SCFD2: variants seen among roughly 807,000 people sequenced by gnomAD.
The protein encoded by SCFD2 is sec1 family domain containing 2, also known as sec1 family domain-containing protein 2.
Under a neutral mutation model 58.9 loss-of-function variants are expected in SCFD2, and 54 were observed. That is an observed-to-expected ratio of 0.92 (90% confidence interval 0.74 to 1.15). The LOEUF (loss-of-function observed/expected upper bound fraction) is 1.15, where lower values mean the gene tolerates loss of function less well. Among genes scored for constraint, SCFD2 ranks in the 50% most tolerant of loss-of-function variants. The pLI is 0.00. For synonymous variants in SCFD2, 321 were observed against 335.9 expected (o/e 0.96, Z 0.49); for missense variants, 805 against 836.6 (o/e 0.96, Z 0.47).
chr4:52,943,996 T>A (rs578035306), intron 5 of SCFD2, among the ~76,000 whole-genome samples: 1 of 152,258 alleles, frequency 6.6e-6, no homozygotes, highest in East Asian at 1.9e-4. Flanking sequence ...TGTCAAAATG[T>A]TAAAAGTACA....
intron 3 of SCFD2, 94 bp from the exon 4 acceptor site, chr4:53,274,095 G>A: frequency 2.7e-6 from 3 of 1,113,108 alleles, no homozygotes; most frequent in East Asian, 2.6e-5. Context: ...CTTGTATTTG[G>A]GCAGAACTTC....
At chr4:53,103,565 A>G (rs932899038) in intron 5 of SCFD2, among the ~76,000 whole-genome samples, 2 of 148,014 alleles carry the variant, frequency 1.4e-5, no homozygotes, top group African/African-American at 4.9e-5. Flanking sequence ...ATAAATATAT[A>G]TATAATTTTC....
chr4:53,043,324 T>C (rs1341887256), intron 5 of SCFD2, among the ~76,000 whole-genome samples: 17 of 152,110 alleles, frequency 1.1e-4, no homozygotes. Flanking sequence ...GCAGCAAAAT[T>C]AAAGCATCTG....
intron 4 of SCFD2, among the ~76,000 whole-genome samples, chr4:53,184,201 G>A (rs1391262262): frequency 6.6e-6 from 1 of 152,008 alleles, no homozygotes; most frequent in Non-Finnish European, 1.5e-5. Flanking sequence ...CACCCGTTTA[G>A]CTTGGCACAT....
At chr4:53,344,356 C>T (rs1430073367) in intron 2 of SCFD2, among the ~76,000 whole-genome samples, 3 of 152,022 alleles carry the variant, frequency 2.0e-5, no homozygotes, top group Non-Finnish European at 2.9e-5. Flanking sequence ...ACAATTGCTA[C>T]AAAGAGAATA....
chr4:52,880,565 TGAG>T (rs956874640), intron 8 of SCFD2, among the ~76,000 whole-genome samples: 1 of 145,602 alleles, frequency 6.9e-6, no homozygotes, highest in Non-Finnish European at 1.5e-5. Context: ...TGCTATGAGC[TGAG>T]ATCATGCCAC....
intron 6 of SCFD2, among the ~76,000 whole-genome samples, chr4:52,916,423 A>G (rs1395530603): frequency 6.6e-6 from 1 of 152,080 alleles, no homozygotes; most frequent in Non-Finnish European, 1.5e-5. Flanking sequence ...TACAAAAACA[A>G]TGTAGCTGGG....
At chr4:53,215,266 T>C (rs1404064028) in intron 4 of SCFD2, among the ~76,000 whole-genome samples, 2 of 152,276 alleles carry the variant, frequency 1.3e-5, no homozygotes, top group African/African-American at 4.8e-5. Context: ...TTCACGATAT[T>C]GATTCTTCCT....
At chr4:53,245,609 C>T (rs62326407) in intron 4 of SCFD2, among the ~76,000 whole-genome samples, 1,554 of 152,152 alleles carry the variant, frequency 0.01, 27 homozygotes, top group South Asian at 0.073. Flanking sequence ...GAATATACCT[C>T]ACACAAACTA....
intron 5 of SCFD2, among the ~76,000 whole-genome samples, chr4:52,997,563 A>G (rs1158486597): frequency 1.3e-5 from 2 of 152,226 alleles, no homozygotes; most frequent in Admixed American, 6.5e-5. Context: ...GTGTTCAGAG[A>G]AAGGCTTTCT....
chr4:53,077,212 C>T (rs771181551), intron 5 of SCFD2, among the ~76,000 whole-genome samples: 1 of 152,072 alleles, frequency 6.6e-6, no homozygotes, highest in African/African-American at 2.4e-5. Context: ...ATTTGATCAG[C>T]GCATTCAAAA....
chr4:52,910,822 G>A (rs902417193), intron 6 of SCFD2, among the ~76,000 whole-genome samples: 3 of 152,090 alleles, frequency 2.0e-5, no homozygotes, highest in Non-Finnish European at 4.4e-5. Flanking sequence ...TATGAGATCC[G>A]ATGGTTTTAC....
chr4:53,031,448 A>G (rs1322384875), intron 5 of SCFD2, among the ~76,000 whole-genome samples: 2 of 152,212 alleles, frequency 1.3e-5, no homozygotes, highest in Non-Finnish European at 2.9e-5. Flanking sequence ...TGACAGAAAT[A>G]GGCTTCAGAA....
chr4:53,193,658 A>G (rs1727978172), intron 4 of SCFD2, among the ~76,000 whole-genome samples: 1 of 152,206 alleles, frequency 6.6e-6, no homozygotes, highest in South Asian at 2.1e-4. Context: ...AGTTACTTAT[A>G]TGCCAAATTA....
At chr4:52,992,849 G>A (rs902620070) in intron 5 of SCFD2, among the ~76,000 whole-genome samples, 2 of 152,260 alleles carry the variant, frequency 1.3e-5, no homozygotes, top group Non-Finnish European at 2.9e-5. Context: ...CCCCGTCTGG[G>A]AAGTGAGGAG....
intron 5 of SCFD2, among the ~76,000 whole-genome samples, chr4:53,144,175 G>C (rs1258599918): frequency 6.6e-5 from 10 of 151,852 alleles, no homozygotes; most frequent in Non-Finnish European, 1.3e-4. Flanking sequence ...GGCTGGGCAT[G>C]GTGGTTGACA....
At chr4:53,013,905 C>G (rs888763913) in intron 5 of SCFD2, among the ~76,000 whole-genome samples, 1 of 152,086 alleles carries the variant, frequency 6.6e-6, no homozygotes, top group Non-Finnish European at 1.5e-5. Context: ...TATGAAAAGG[C>G]TTCAGTATAA....
intron 6 of SCFD2, among the ~76,000 whole-genome samples, chr4:52,912,276 A>G (rs2109476370): frequency 6.6e-6 from 1 of 152,162 alleles, no homozygotes; most frequent in East Asian, 1.9e-4. Flanking sequence ...TGAGAGGGAC[A>G]CTCTGGTTTA....
chr4:53,031,755 T>C (rs1268514888), intron 5 of SCFD2, among the ~76,000 whole-genome samples: 1 of 151,996 alleles, frequency 6.6e-6, no homozygotes, highest in South Asian at 2.1e-4. Context: ...TGAAAAGGAA[T>C]GAACAAAGCC....
Sources: gnomAD v4.1 joint callset for allele counts (sites outside exome capture counted in the v4.1 genomes callset) on GRCh38, gnomAD v4.1.1 for gene constraint, MANE v1.5 for transcripts, NCBI Gene and HGNC (gene_info 2026-07-23, HGNC 2026-07-21) for gene names.